Variants in SCHIP1 observed in about 807,000 individuals in gnomAD.
SCHIP1 encodes schwannomin interacting protein 1.
Under a neutral mutation model 29.7 loss-of-function variants are expected in SCHIP1, and 8 were observed. That is an observed-to-expected ratio of 0.27 (90% CI 0.16 to 0.49). The LOEUF (loss-of-function observed/expected upper bound fraction) is 0.49. SCHIP1 is among the 20% of genes least tolerant of loss of function. The pLI, the probability that SCHIP1 is intolerant of heterozygous loss-of-function variation, is 0.99. For missense variants in SCHIP1, 193 were observed against 294.6 expected, an observed-to-expected ratio of 0.66 and a Z score of 2.52; for synonymous variants, 76 against 94.9, an observed-to-expected ratio of 0.80 and a Z score of 1.16.
the SCHIP1 span, among the ~76,000 whole-genome samples, chr3:159,381,878 G>T: frequency 3.9e-5 from 6 of 152,212 alleles, no homozygotes; most frequent in East Asian, 9.6e-4. Flanking sequence ...GATTACAGGC[G>T]TGAGCCACTG....
At chr3:159,702,010 T>C in the SCHIP1 span, among the ~76,000 whole-genome samples, 1 of 152,180 alleles carries the variant, frequency 6.6e-6, no homozygotes, top group African/African-American at 2.4e-5. Context: ...CCAATACAAA[T>C]CTACACTTTT....
chr3:159,385,009 T>TA, the SCHIP1 span, among the ~76,000 whole-genome samples: 4,098 of 152,282 alleles, frequency 0.027, 69 homozygotes, highest in East Asian at 0.11. Context: ...TCTTTTCTTC[T>TA]TTATTAGTCT....
the SCHIP1 span, among the ~76,000 whole-genome samples, chr3:159,807,776 G>A: frequency 2.6e-5 from 4 of 152,224 alleles, no homozygotes; most frequent in African/African-American, 9.6e-5. Context: ...CTGTGTCACT[G>A]CAGTGTGAGT....
At chr3:159,334,142 GA>G in the SCHIP1 span, among the ~76,000 whole-genome samples, 11 of 152,176 alleles carry the variant, frequency 7.2e-5, no homozygotes, top group South Asian at 2.3e-3. Flanking sequence ...TGTCATTAAA[GA>G]ATCATCTTTA....
chr3:159,876,329 G>A (rs1272606661), intron 2 of SCHIP1, among the ~76,000 whole-genome samples: 2 of 152,168 alleles, frequency 1.3e-5, no homozygotes, highest in South Asian at 2.1e-4. Context: ...TAGGAGCGGG[G>A]TATTGGGAAC....
the SCHIP1 span, among the ~76,000 whole-genome samples, chr3:159,646,342 G>C: frequency 6.6e-6 from 1 of 152,166 alleles, no homozygotes; most frequent in Admixed American, 6.6e-5. Context: ...CTAGTGAGCA[G>C]CTTAGCACAG....
At chr3:159,337,415 T>G in the SCHIP1 span, among the ~76,000 whole-genome samples, 4 of 152,284 alleles carry the variant, frequency 2.6e-5, no homozygotes, top group East Asian at 7.7e-4. Flanking sequence ...TTGTCCTTGT[T>G]TGCAGATGAC....
the SCHIP1 span, among the ~76,000 whole-genome samples, chr3:159,720,334 T>A: frequency 1.0e-3 from 154 of 151,736 alleles, 1 homozygote; most frequent in African/African-American, 3.5e-3. Flanking sequence ...TGTATACATA[T>A]GTAACAAACC....
chr3:159,828,342 A>T, the SCHIP1 span, among the ~76,000 whole-genome samples: 1 of 144,550 alleles, frequency 6.9e-6, no homozygotes, highest in Admixed American at 6.9e-5. Context: ...CTTTGGATGA[A>T]TTAGCATTAG....
intron 6 of SCHIP1, chr3:159,893,418 A>G (rs1717739356): frequency 6.6e-6 from 1 of 152,240 alleles, no homozygotes; most frequent in African/African-American, 2.4e-5. Flanking sequence ...CAGCAATTAT[A>G]AAACATCCCT....
At chr3:159,527,266 A>T in the SCHIP1 span, among the ~76,000 whole-genome samples, 1 of 152,194 alleles carries the variant, frequency 6.6e-6, no homozygotes, top group Non-Finnish European at 1.5e-5. Context: ...ACTCATGCAA[A>T]TATCCCCTGT....
the SCHIP1 span, among the ~76,000 whole-genome samples, chr3:159,590,140 G>A: frequency 6.6e-6 from 1 of 151,998 alleles, no homozygotes; most frequent in Admixed American, 6.6e-5. Flanking sequence ...GAAGAGGGTG[G>A]GCAGATACAT....
chr3:159,663,372 A>G, the SCHIP1 span, among the ~76,000 whole-genome samples: 3 of 152,112 alleles, frequency 2.0e-5, no homozygotes, highest in Non-Finnish European at 2.9e-5. Flanking sequence ...CTCCCACAAG[A>G]AGCAGAAGAC....
the SCHIP1 span, among the ~76,000 whole-genome samples, chr3:159,355,446 A>C: frequency 6.6e-6 from 1 of 152,148 alleles, no homozygotes; most frequent in African/African-American, 2.4e-5. Context: ...GCCAGGGATG[A>C]GGACATTTAT....
chr3:159,398,387 C>T, the SCHIP1 span, among the ~76,000 whole-genome samples: 3 of 152,142 alleles, frequency 2.0e-5, no homozygotes, highest in Non-Finnish European at 1.5e-5. Context: ...TCTACCATTA[C>T]AGCAGGTTGG....
the SCHIP1 span, among the ~76,000 whole-genome samples, chr3:159,465,927 C>T: frequency 6.6e-6 from 1 of 151,970 alleles, no homozygotes; most frequent in Non-Finnish European, 1.5e-5. Context: ...GAACAATTAA[C>T]AAAAGTTTGA....
chr3:159,448,057 A>C, the SCHIP1 span, among the ~76,000 whole-genome samples: 1 of 152,144 alleles, frequency 6.6e-6, no homozygotes, highest in Non-Finnish European at 1.5e-5. Flanking sequence ...GCTGGCACAA[A>C]TAACTTCACC....
chr3:159,397,975 A>C, the SCHIP1 span, among the ~76,000 whole-genome samples: 1 of 152,148 alleles, frequency 6.6e-6, no homozygotes, highest in Non-Finnish European at 1.5e-5. Flanking sequence ...GCAATCAGCG[A>C]GACTCCGTGG....
At chr3:159,429,940 G>A in the SCHIP1 span, among the ~76,000 whole-genome samples, 1 of 152,180 alleles carries the variant, frequency 6.6e-6, no homozygotes, top group Non-Finnish European at 1.5e-5. Context: ...AGCTCCTGAG[G>A]AAGCTGTGGA....
Sources: gnomAD v4.1 joint callset for allele counts (sites outside exome capture counted in the v4.1 genomes callset) on GRCh38, gnomAD v4.1.1 for gene constraint, MANE v1.5 for transcripts, NCBI Gene and HGNC (gene_info 2026-07-23, HGNC 2026-07-21) for gene names.